TMEM182: variants seen among roughly 807,000 people sequenced by gnomAD.
TMEM182 encodes the protein transmembrane protein 182.
TMEM182 carries 20 observed loss-of-function variants against 26.8 expected under a neutral mutation model. That is an observed-to-expected ratio of 0.75 (90% CI 0.53 to 1.09). The LOEUF is 1.09. TMEM182 is among the 50% of genes least tolerant of loss of function. TMEM182 has a pLI of 0.00. For missense variants in TMEM182, 277 were observed against 275.5 expected (o/e 1.01, Z -0.04); for synonymous variants, 109 against 102.2 (o/e 1.07, Z -0.40).
At chr2:102,817,984 A>G (rs1446548286), downstream of TMEM182, among the ~76,000 whole-genome samples, 1 of 152,206 alleles carries the variant, frequency 6.6e-6, no homozygotes, top group Non-Finnish European at 1.5e-5. Flanking sequence ...AAAAGTAACC[A>G]TGTTGGACTT....
intron 3 of TMEM182, among the ~76,000 whole-genome samples, chr2:102,770,243 A>G (rs1259827115): frequency 6.6e-6 from 1 of 152,190 alleles, no homozygotes; most frequent in African/African-American, 2.4e-5. Flanking sequence ...CAAACGCAGA[A>G]TGAATGGACA....
At chr2:102,799,031 C>T (rs1206339658) in intron 4 of TMEM182, among the ~76,000 whole-genome samples, 1 of 152,130 alleles carries the variant, frequency 6.6e-6, no homozygotes, top group African/African-American at 2.4e-5. Context: ...TTTAATTAGG[C>T]AGTGAAAGCC....
chr2:102,802,904 A>G (rs965351409), intron 4 of TMEM182, among the ~76,000 whole-genome samples: 1 of 152,188 alleles, frequency 6.6e-6, no homozygotes, highest in African/African-American at 2.4e-5. Flanking sequence ...CTTTTCTTAA[A>G]TGGCAAACTG....
rs1681602021 is a variant in TMEM182 at position 102,790,753 on chromosome 2, C to T, written c.332-7110C>T. On this transcript the variant is annotated intron_variant, in intron 3 of 4. Transcript: ENST00000412401. ...TCAGATATACCCAAGACATGAGCTC[C>T]TTTGACCTATGCTTGAATCTGAAAT... 2.0e-5 allele frequency among the ~76,000 whole-genome samples: 3 copies of T among 152,142 alleles called. No individual in the cohort carries two copies. The South Asian group carries it at 6.2e-4, about 32-fold the overall frequency.
At chr2:102,776,822 G>C (rs1343365954) in intron 3 of TMEM182, among the ~76,000 whole-genome samples, 1 of 152,042 alleles carries the variant, frequency 6.6e-6, no homozygotes, top group Non-Finnish European at 1.5e-5. Flanking sequence ...TGGTGTTGTC[G>C]GTGCTTTTGG....
chr2:102,757,186 C>A (rs574297373), upstream of TMEM182, among the ~76,000 whole-genome samples: 6 of 152,220 alleles, frequency 3.9e-5, no homozygotes, highest in East Asian at 9.7e-4. Context: ...CCTATTCTTT[C>A]CCCCAGGCTC....
intron 3 of TMEM182, among the ~76,000 whole-genome samples, chr2:102,837,703 A>G (rs1361305344): frequency 3.9e-5 from 6 of 152,140 alleles, no homozygotes; most frequent in Non-Finnish European, 8.8e-5. Context: ...GACCACGTAG[A>G]GCAGAATGGG....
rs545975278 is a variant in TMEM182 at position 102,806,295 on chromosome 2, G to A, written c.469+8295G>A. On this transcript the variant is annotated intron_variant, in intron 4 of 4. Transcript: ENST00000412401. ...TGAAAAGAATTTTTACTTCCTAGAAGTAAAGGGCTGATGGGCAGGGGAAGG... is the reference window on the plus strand; with the variant it reads ...TGAAAAGAATTTTTACTTCCTAGAAATAAAGGGCTGATGGGCAGGGGAAGG... Among the ~76,000 whole-genome samples the A allele has an allele frequency of 2.6e-4, 40 of 152,248 alleles. No individual in the cohort carries two copies. In the Middle Eastern group the frequency reaches 0.01, roughly 39 times the overall value.
Position 102,815,970 on chromosome 2 carries a change from T to C in TMEM182, c.*1002T>C. 1.0e-6 allele frequency: 1 copy of C among 984,822 alleles called. No individual in the cohort carries two copies. Among genetic ancestry groups the C allele is most frequent in the Non-Finnish European group, 1.2e-6 (1 of 829,350 alleles). The allele number at this position is 984,822 out of a possible 1,614,324, so 61.0% of individuals were successfully genotyped here. On this transcript the variant is annotated 3_prime_UTR_variant, in exon 5 of 5. Transcript: ENST00000412401. ...AAGATGTTATGGGTTCCAGTTCTTC[T>C]GATCATTTGATTCCTTTAATTACTG... is the stretch of plus-strand genomic sequence containing the variant.
intron 3 of TMEM182, among the ~76,000 whole-genome samples, chr2:102,773,137 C>G (rs569818409): frequency 9.9e-5 from 15 of 152,040 alleles, no homozygotes; most frequent in African/African-American, 3.6e-4. Context: ...ATTTATTCAA[C>G]AAATATTTTT....
chr2:102,808,847 T>G (rs991711194), intron 4 of TMEM182, among the ~76,000 whole-genome samples: 4 of 152,194 alleles, frequency 2.6e-5, no homozygotes, highest in Non-Finnish European at 5.9e-5. Context: ...TGTATACTGC[T>G]ATGATTCCAT....
chr2:102,781,105 G>C (rs774768707), intron 3 of TMEM182, among the ~76,000 whole-genome samples: 20 of 152,172 alleles, frequency 1.3e-4, no homozygotes, highest in Non-Finnish European at 2.2e-4. Context: ...GAAATGTCCA[G>C]AGTTATTAGT....
chr2:102,788,483 G>A (rs1291062952), intron 3 of TMEM182, among the ~76,000 whole-genome samples: 1 of 151,676 alleles, frequency 6.6e-6, no homozygotes, highest in Non-Finnish European at 1.5e-5. Context: ...CTGTGACCTT[G>A]AGGATTCTGG....
At chr2:102,792,417 G>A (rs1681687859) in intron 3 of TMEM182, among the ~76,000 whole-genome samples, 1 of 152,132 alleles carries the variant, frequency 6.6e-6, no homozygotes, top group Admixed American at 6.5e-5. Flanking sequence ...CAATTAATAA[G>A]CAGAGAAGCT....
downstream of TMEM182, among the ~76,000 whole-genome samples, chr2:102,821,025 G>C (rs1406320441): frequency 6.6e-6 from 1 of 152,082 alleles, no homozygotes; most frequent in Non-Finnish European, 1.5e-5. Flanking sequence ...ATAAAGAGTT[G>C]GATTTCTCAA....
chr2:102,841,496 G>C (rs935035303), intron 3 of TMEM182, among the ~76,000 whole-genome samples: 3 of 152,176 alleles, frequency 2.0e-5, no homozygotes, highest in Non-Finnish European at 4.4e-5. Flanking sequence ...GGCAAGCCGA[G>C]CCCCAGTAAA....
chr2:102,738,560 C>G (rs1386522403), intron 1 of TMEM182, among the ~76,000 whole-genome samples: 1 of 152,046 alleles, frequency 6.6e-6, no homozygotes, highest in African/African-American at 2.4e-5. Context: ...CCACTGCACT[C>G]CAGCCTGGCA....
At chr2:102,755,439 G>A (rs1004175376) in intron 1 of TMEM182, among the ~76,000 whole-genome samples, 10 of 152,138 alleles carry the variant, frequency 6.6e-5, no homozygotes, top group East Asian at 1.9e-4. Flanking sequence ...TTTAGCCTCC[G>A]ATCTTACCAG....
chr2:102,748,520 C>A (rs1679782445), intron 1 of TMEM182, among the ~76,000 whole-genome samples: 1 of 152,172 alleles, frequency 6.6e-6, no homozygotes, highest in Non-Finnish European at 1.5e-5. Flanking sequence ...CTATGCTGGG[C>A]ACTTTACTAA....
Sources: allele counts gnomAD v4.1 joint callset (sites outside exome capture counted in the v4.1 genomes callset), GRCh38; gene constraint gnomAD v4.1.1; transcripts MANE v1.5; gene names NCBI Gene and HGNC (gene_info 2026-07-23, HGNC 2026-07-21).